The following ASCC2 variants were observed in gnomAD, a reference collection of about 807,000 sequenced individuals.
ASCC2 encodes activating signal cointegrator 1 complex subunit 2.
In ASCC2, 42 loss-of-function variants were observed where a neutral mutation model predicts 93.5. The observed-to-expected ratio is 0.45, with a 90% CI of 0.35 to 0.58. The LOEUF is 0.58. Ranked by LOEUF, ASCC2 falls within the 20% of genes least tolerant of loss-of-function variation. The probability of loss-of-function intolerance (pLI) is 0.00; values close to 1 mark genes in which losing one functional copy is unlikely to be tolerated. For synonymous variants in ASCC2, 364 were observed against 384.2 expected, an observed-to-expected ratio of 0.95 and a Z score of 0.62; for missense variants, 859 against 977.6, an observed-to-expected ratio of 0.88 and a Z score of 1.62.
At position 29,802,179 on chromosome 22, in the gene ASCC2, A is replaced by G. The variant is rs2059160375; in HGVS notation, c.1383T>C (p.Pro461=). ...AGTCCAGTTCCACCCCACACATGGC[A>G]GGGCCCACAGCCGCGGCTGCTCCCA... ...ECMGAAAAVG[P]AMCGVELDSL... is the part of the protein sequence containing the mutation. The change falls in exon 14 of 20, where the codon CCT becomes CCC. Residue 461 remains proline, a synonymous_variant. Coordinates refer to ENST00000307790, the MANE Select transcript of ASCC2 (RefSeq NM_032204.5). 1.9e-6 allele frequency: 3 copies of G among 1,614,186 alleles called. No individual in the cohort carries two copies. The highest frequency in any genetic ancestry group is 2.5e-6 in the Non-Finnish European group (3 of 1,180,028).
In ASCC2 at chr22:29,790,478, G is replaced by A. The variant is rs762457524; in HGVS notation, c.2093C>T (p.Ala698Val). The A allele has an allele frequency of 3.1e-6, 5 of 1,614,092 alleles. No homozygotes were observed. In the South Asian group the frequency reaches 5.5e-5, roughly 18 times the overall value. Reference sequence around the variant, plus strand: ...CCCCTTGAATGCTCACCCTTTCTTGGCGAGAAAGGCCATGCGCCTGGCTTC... The same window carrying A: ...CCCCTTGAATGCTCACCCTTTCTTGACGAGAAAGGCCATGCGCCTGGCTTC... The part of the protein sequence containing the change: ...KAEARRMAFL[A>V]KKGYRHDSST... The change falls in exon 19 of 20, where the codon GCC becomes GTC. Residue 698 changes from alanine to valine, a missense_variant. Physicochemically the swap from Ala to Val is moderately conservative, Grantham distance 64 (BLOSUM62 0). Transcript: ENST00000307790.
chr22:29,830,368 T>C (rs1482681539), intron 2 of ASCC2, among the ~76,000 whole-genome samples: 1 of 152,254 alleles, frequency 6.6e-6, no homozygotes, highest in Non-Finnish European at 1.5e-5. Flanking sequence ...CTAACTCTGC[T>C]ATACTGTTGC....
At chr22:29,805,152 C>T (rs983636190) in intron 12 of ASCC2, among the ~76,000 whole-genome samples, 7 of 152,162 alleles carry the variant, frequency 4.6e-5, no homozygotes, top group East Asian at 3.9e-4. Context: ...AGGAGGAGGG[C>T]GTGGTAGGGC....
chr22:29,825,202 G>C lies in ASCC2; in HGVS notation c.296C>G (p.Pro99Arg). 1 of 1,558,960 alleles carries C rather than the reference G, an allele frequency of 6.4e-7. No homozygotes were observed. Among genetic ancestry groups the C allele is most frequent in the Non-Finnish European group, 8.7e-7 (1 of 1,153,024 alleles). ...GGCCACCCCCTCGTCGAATTTGCGG[G>C]GGACATAGCGCAGGTAGGAGTCCAG... ...KCLDSYLRYV[P>R]RKFDEGVASA... The change falls in exon 4 of 20, where the codon CCC (proline) becomes CGC (arginine). Residue 99 changes from proline to arginine, a missense_variant. Pro to Arg is a moderately radical substitution (Grantham distance 103, BLOSUM62 -2). Transcript: ENST00000307790. The surrounding 1 kb of genome is among the most constrained non-coding windows in gnomAD (Gnocchi z 4.9).
intron 5 of ASCC2, chr22:29,822,081 A>G (rs200433677): frequency 4.5e-6 from 2 of 448,990 alleles, no homozygotes; most frequent in Non-Finnish European, 8.3e-6. Flanking sequence ...TTCTCCTGAA[A>G]AAAAACAAAA....
intron 2 of ASCC2, among the ~76,000 whole-genome samples, chr22:29,830,985 T>G (rs2063071701): frequency 6.6e-6 from 1 of 152,222 alleles, no homozygotes; most frequent in South Asian, 2.1e-4. Flanking sequence ...CATCAGTGTT[T>G]CCATCAGAAC....
chr22:29,814,981 A>C (rs1182851404), intron 6 of ASCC2, among the ~76,000 whole-genome samples: 1 of 152,194 alleles, frequency 6.6e-6, no homozygotes, highest in East Asian at 1.9e-4. Flanking sequence ...TCCTTCTTAA[A>C]GGAGGGCGAA....
intron 13 of ASCC2, among the ~76,000 whole-genome samples, chr22:29,803,321 T>A (rs1490740399): frequency 6.6e-6 from 1 of 151,580 alleles, no homozygotes; most frequent in Non-Finnish European, 1.5e-5. Context: ...TAAATTAAAA[T>A]TTTGAAGGGA....
At chr22:29,793,701 G>T in intron 15 of ASCC2, 25 bp from the exon 16 acceptor site, 1 of 1,544,614 alleles carries the variant, frequency 6.5e-7, no homozygotes, top group Non-Finnish European at 8.7e-7. Context: ...CAGAAAGAGA[G>T]GAAGGAAAAC....
chr22:29,834,586 G>A, intron 1 of ASCC2: 1 of 470,520 alleles, frequency 2.1e-6, no homozygotes, highest in Non-Finnish European at 4.4e-6. Flanking sequence ...AAGTAATAAA[G>A]GGCTTAGGTA....
At chr22:29,837,234 T>C (rs59394320) in intron 1 of ASCC2, among the ~76,000 whole-genome samples, 7,759 of 148,270 alleles carry the variant, frequency 0.052, 252 homozygotes, top group South Asian at 0.1. Context: ...ATCGAGACCA[T>C]CCTGGCTAGC....
chr22:29,802,317 G>A (rs2059180486), intron 13 of ASCC2, 109 bp from the exon 14 acceptor site: 2 of 1,063,560 alleles, frequency 1.9e-6, no homozygotes, highest in Non-Finnish European at 2.7e-6. Context: ...TCAAGTCCTG[G>A]GATTACCCCT....
Position 29,788,770 on chromosome 22 carries a change from G to T in ASCC2, c.*243C>A. ...CATCTCTTTCCCGCTAGCGCAGCTG[G>T]GGGAAGGTGCCTGCTTGCCGGCCCC... On this transcript the variant is annotated 3_prime_UTR_variant, in exon 20 of 20. Coordinates refer to ENST00000307790, the MANE Select transcript of ASCC2 (RefSeq NM_032204.5). The T allele has an allele frequency of 1.8e-6, 1 of 542,774 alleles. No homozygotes were observed. The highest frequency in any genetic ancestry group is 2.2e-5 in the South Asian group (1 of 46,328). 33.6% of individuals were successfully genotyped at this position (542,774 alleles called of 1,614,324 possible).
chr22:29,790,816 C>T (rs2057637286), intron 18 of ASCC2, among the ~76,000 whole-genome samples: 1 of 152,120 alleles, frequency 6.6e-6, no homozygotes, highest in African/African-American at 2.4e-5. Context: ...GTGGATAGAC[C>T]ATAGTTATGG....
intron 2 of ASCC2, among the ~76,000 whole-genome samples, chr22:29,828,708 T>C (rs1056828319): frequency 6.6e-6 from 1 of 152,058 alleles, no homozygotes; most frequent in Non-Finnish European, 1.5e-5. Context: ...TGAACAGCAT[T>C]AAAAGTGCTT....
At position 29,802,180 on chromosome 22, in the gene ASCC2, G is replaced by A. The variant is rs1427234116; in HGVS notation, c.1382C>T (p.Pro461Leu). 6.2e-7 allele frequency: 1 copy of A among 1,614,222 alleles called. No individual in the cohort carries two copies. Reference sequence around the variant, plus strand: ...GTCCAGTTCCACCCCACACATGGCAGGGCCCACAGCCGCGGCTGCTCCCAT... The same window carrying A: ...GTCCAGTTCCACCCCACACATGGCAAGGCCCACAGCCGCGGCTGCTCCCAT... The part of the protein sequence containing the change: ...ECMGAAAAVG[P>L]AMCGVELDSL... The change falls in exon 14 of 20, where the codon CCT becomes CTT. Residue 461 changes from proline (P) to leucine (L), a missense_variant. Pro to Leu is a moderately conservative substitution (Grantham distance 98, BLOSUM62 -3). Coordinates refer to ENST00000307790, the MANE Select transcript of ASCC2 (RefSeq NM_032204.5).
At chr22:29,830,715 G>A (rs2063036491) in intron 2 of ASCC2, among the ~76,000 whole-genome samples, 2 of 152,176 alleles carry the variant, frequency 1.3e-5, no homozygotes, top group East Asian at 3.8e-4. Context: ...CTTAGGTCGT[G>A]GGCTCTTCAA....
intron 2 of ASCC2, among the ~76,000 whole-genome samples, chr22:29,826,929 C>T (rs1223065528): frequency 6.6e-6 from 1 of 151,836 alleles, no homozygotes; most frequent in Non-Finnish European, 1.5e-5. Context: ...AACCCCGTCT[C>T]TACTAAAAAT....
intron 14 of ASCC2, among the ~76,000 whole-genome samples, chr22:29,801,782 G>T (rs1242833426): frequency 1.3e-5 from 2 of 152,204 alleles, no homozygotes; most frequent in African/African-American, 4.8e-5. Flanking sequence ...GTGTGGCAGG[G>T]ATGTGTACAC....
Sources: allele counts gnomAD v4.1 joint callset (sites outside exome capture counted in the v4.1 genomes callset), GRCh38; gene constraint gnomAD v4.1.1; non-coding constraint Gnocchi (gnomAD v3.1); transcripts MANE v1.5; gene names NCBI Gene and HGNC (gene_info 2026-07-23, HGNC 2026-07-21).